Variants in HOXB3 observed in about 807,000 individuals in gnomAD.
HOXB3 encodes the protein homeobox protein Hox-B3.
In HOXB3, 17 loss-of-function variants were observed where a neutral mutation model predicts 29.2. The ratio of observed to expected loss-of-function variants is 0.58; its 90% CI spans 0.40 to 0.87. HOXB3 has a LOEUF of 0.87. Among genes scored for constraint, HOXB3 ranks in the 40% least tolerant of loss-of-function variants. HOXB3 has a pLI of 0.00. For synonymous variants in HOXB3, 317 were observed against 285.9 expected (o/e 1.11, Z -1.10); for missense variants, 637 against 616.3 (o/e 1.03, Z -0.35).
rs546263373 is a variant in HOXB3, at chr17:48,554,120, T to C, written c.-159+1411A>G. 2.0e-5 allele frequency among the ~76,000 whole-genome samples: 3 copies of C among 152,350 alleles called. No homozygotes were observed. Among genetic ancestry groups the C allele is most frequent in the East Asian group, 1.9e-4 (1 of 5,186 alleles). On this transcript the variant is annotated intron_variant, in intron 3 of 4. Coordinates refer to ENST00000498678, the MANE Select transcript of HOXB3 (RefSeq NM_001384749.1). This position sits in a 1 kb window ranked among gnomAD's most constrained non-coding sequence, Gnocchi z 4.1. ...CCTTCCAGGGAGAACCAGAGTTCAATTGACCAGGCTGACCCAATCCCTTTA... is the reference window on the plus strand; with the variant it reads ...CCTTCCAGGGAGAACCAGAGTTCAACTGACCAGGCTGACCCAATCCCTTTA...
intron 1 of HOXB3, among the ~76,000 whole-genome samples, chr17:48,586,376 C>T (rs937289239): frequency 1.3e-5 from 2 of 152,172 alleles, no homozygotes; most frequent in African/African-American, 4.8e-5. Context: ...GTAAATTCGC[C>T]AAAAGAAAGA....
intron 1 of HOXB3, chr17:48,578,213 C>G (rs1012011026): frequency 6.2e-7 from 1 of 1,613,838 alleles, no homozygotes. Flanking sequence ...GGCGTAGTAC[C>G]CGGGCGAGTG....
chr17:48,564,040 G>A (rs1177492276), intron 2 of HOXB3, among the ~76,000 whole-genome samples: 3 of 124,354 alleles, frequency 2.4e-5, no homozygotes, highest in African/African-American at 6.2e-5. Flanking sequence ...TCCACCCCCA[G>A]GTCCCTTTAC....
In HOXB3 at chr17:48,586,155, C is replaced by T. The variant is rs569001779; in HGVS notation, c.-425+3970G>A. Among the ~76,000 whole-genome samples, 4 of 152,300 alleles carry T rather than the reference C, an allele frequency of 2.6e-5. No homozygotes were observed. In the South Asian group the frequency reaches 8.3e-4, roughly 32 times the overall value. On this transcript the variant is annotated intron_variant, in intron 1 of 4. Transcript: ENST00000498678. The stretch of plus-strand genomic sequence containing the variant: ...AAGCTAGAGGATACTGCAGAGAGTG[C>T]ATTTTTCTCTCCAAGAGGAACTTTA...
chr17:48,552,571 ACCCC>A lies in HOXB3; in HGVS notation c.-101_-98del. 2 of 529,440 alleles carry A rather than the reference ACCCC, an allele frequency of 3.8e-6. No homozygotes were observed. Among genetic ancestry groups the A allele is most frequent in the Non-Finnish European group, 5.7e-6 (2 of 348,182 alleles). 32.8% of individuals were successfully genotyped at this position (529,440 alleles called of 1,614,324 possible). ...CCCTGGGGGTCACGTGACACGCCGG[ACCCC>A]CCCCCCCCACCTCCCCTCTCTGCCC... On this transcript the variant is annotated 5_prime_UTR_variant, in exon 4 of 5. It introduces an in-frame stop codon into an upstream open reading frame of the 5' UTR. Transcript: ENST00000498678.
chr17:48,575,031 G>A (rs926838883), intron 1 of HOXB3: 7 of 152,334 alleles, frequency 4.6e-5, no homozygotes, highest in African/African-American at 1.7e-4. Flanking sequence ...ACACCTCAGA[G>A]GAAAGCGATA....
chr17:48,564,012 A>G (rs1403663084), intron 2 of HOXB3, among the ~76,000 whole-genome samples: 5 of 151,900 alleles, frequency 3.3e-5, no homozygotes, highest in Admixed American at 6.6e-5. Context: ...ACAGCTCCAC[A>G]TTCCTCCACA....
At position 48,552,462 on chromosome 17, in the gene HOXB3, T is replaced by C; in HGVS notation, c.13A>G (p.Thr5Ala). 5.7e-6 allele frequency: 9 copies of C among 1,568,244 alleles called. No individual in the cohort carries two copies. Among genetic ancestry groups the C allele is most frequent in the Non-Finnish European group, 7.8e-6 (9 of 1,153,982 alleles). The change falls in exon 4 of 5, where the codon ACC becomes GCC. Residue 5 changes from threonine (T) to alanine (A), a missense_variant. Thr to Ala is a moderately conservative substitution (Grantham distance 58). Transcript: ENST00000498678. The stretch of plus-strand genomic sequence containing the variant: ...GCAGCCGCGGCGTTGTCGTAGTAGG[T>C]GGCTTTCTGCATCGCTGGGTGAGGC... MQKA[T>A]YYDNAAAALF...
chr17:48,581,246 G>A (rs2069929001), intron 1 of HOXB3: 2 of 152,126 alleles, frequency 1.3e-5, no homozygotes, highest in South Asian at 2.1e-4. Context: ...TTAAATCTAG[G>A]AATTGCCAAT....
chr17:48,564,410 A>G (rs2069312945), intron 2 of HOXB3, among the ~76,000 whole-genome samples: 2 of 151,684 alleles, frequency 1.3e-5, no homozygotes, highest in Admixed American at 1.3e-4. Flanking sequence ...AGAGGCCCGG[A>G]TGCGCTCGCC....
rs2069670096 is a variant in HOXB3 at position 48,573,871 on chromosome 17, G to A, written c.-281C>T. On this transcript the variant is annotated 5_prime_UTR_variant, in exon 2 of 5. Transcript: ENST00000498678. ...TCTCGCCTCCTCTCGCCCGAACTCT[G>A]CAGATCCCATTCATGACGAAGGGCT... is the stretch of plus-strand genomic sequence containing the variant. The A allele has an allele frequency of 2.8e-6, 2 of 702,032 alleles. No homozygotes were observed. Among genetic ancestry groups the A allele is most frequent in the South Asian group, 1.5e-5 (1 of 67,578 alleles). 43.5% of individuals were successfully genotyped at this position (702,032 alleles called of 1,614,324 possible). A position where few individuals can be genotyped will look rare whatever the true frequency, so the allele number is the denominator to read the frequency against.
At position 48,578,343 on chromosome 17, in the gene HOXB3, A is replaced by G. The variant is rs773803473; in HGVS notation, c.-424-4329T>C. On this transcript the variant is annotated intron_variant, in intron 1 of 4. Transcript: ENST00000498678. ...ATTAATTTCTGGGAATTGCCCACAA[A>G]ATATACTAAAATTTATTCCGACCCC... 5.6e-6 allele frequency: 9 copies of G among 1,596,812 alleles called. 1 individual carries two copies. Among genetic ancestry groups the G allele is most frequent in the Non-Finnish European group, 7.7e-6 (9 of 1,172,960 alleles).
At chr17:48,573,637 G>A (rs2144865656) in intron 2 of HOXB3, among the ~76,000 whole-genome samples, 200 bp downstream of exon 2, 1 of 152,144 alleles carries the variant, frequency 6.6e-6, no homozygotes. Context: ...TCCAGGTGTC[G>A]AGGCCCCTCT....
intron 1 of HOXB3, chr17:48,578,148 C>T (rs1233350233): frequency 3.8e-6 from 6 of 1,581,886 alleles, no homozygotes; most frequent in Non-Finnish European, 5.2e-6. Flanking sequence ...GTGCACGCCG[C>T]GCGCCGCCCG....
At chr17:48,562,042 C>A (rs891568486) in intron 2 of HOXB3, among the ~76,000 whole-genome samples, 6 of 152,254 alleles carry the variant, frequency 3.9e-5, no homozygotes, top group African/African-American at 1.2e-4. Context: ...CACTGAGCAC[C>A]AACCCGATGC....
At chr17:48,578,724 G>A (rs2069856650) in intron 1 of HOXB3, 1 of 218,044 alleles carries the variant, frequency 4.6e-6, no homozygotes, top group African/African-American at 2.4e-5. Context: ...TAAGAAGTTG[G>A]GGCTCCCGGT....
At chr17:48,551,656 C>T (rs2068748049) in intron 4 of HOXB3, among the ~76,000 whole-genome samples, 1 of 152,314 alleles carries the variant, frequency 6.6e-6, no homozygotes, top group Non-Finnish European at 1.5e-5. Context: ...TTCTGGAGGC[C>T]GGGACCCCGG....
In HOXB3 at chr17:48,554,479, C is replaced by G. The variant is rs571639375; in HGVS notation, c.-159+1052G>C. On this transcript the variant is annotated intron_variant, in intron 3 of 4. Coordinates refer to ENST00000498678, the MANE Select transcript of HOXB3 (RefSeq NM_001384749.1). This position sits in a 1 kb window ranked among gnomAD's most constrained non-coding sequence, Gnocchi z 4.1. The stretch of plus-strand genomic sequence containing the variant: ...AGGCGAGTGTGGAAAGCGAAGGAGC[C>G]AGAGACGCGATAGGAAAGAATGGAG... The G allele has an allele frequency of 1.6e-6, 1 of 607,464 alleles. No individual in the cohort carries two copies. Among genetic ancestry groups the G allele is most frequent in the South Asian group, 1.9e-5 (1 of 51,366 alleles). The allele number at this position is 607,464 out of a possible 1,614,324, so 37.6% of individuals were successfully genotyped here.
At chr17:48,579,281 G>A (rs2069872655) in intron 1 of HOXB3, 2 of 152,378 alleles carry the variant, frequency 1.3e-5, no homozygotes, top group South Asian at 4.1e-4. Flanking sequence ...ATAACCACCC[G>A]AGCAATACTA....
Sources: allele counts gnomAD v4.1 joint callset (sites outside exome capture counted in the v4.1 genomes callset), GRCh38; gene constraint gnomAD v4.1.1; non-coding constraint Gnocchi (gnomAD v3.1); transcripts MANE v1.5; gene names NCBI Gene and HGNC (gene_info 2026-07-23, HGNC 2026-07-21).